Variants in CABIN1 observed in about 807,000 individuals in gnomAD.
CABIN1 encodes the protein calcineurin-binding protein cabin-1.
CABIN1 carries 133 observed loss-of-function variants against 227.7 expected under a neutral mutation model. The ratio of observed to expected loss-of-function variants is 0.58; its 90% CI spans 0.51 to 0.67. CABIN1 has a LOEUF of 0.67. CABIN1 is among the 30% of genes least tolerant of loss of function. The pLI is 0.00. For synonymous variants in CABIN1, 1,086 were observed against 1,155.1 expected, an observed-to-expected ratio of 0.94 and a Z score of 1.21; for missense variants, 2,408 against 2,852.5, an observed-to-expected ratio of 0.84 and a Z score of 3.55.
chr22:24,019,332 A>G (rs1207164433), intron 1 of CABIN1, among the ~76,000 whole-genome samples: 1 of 150,418 alleles, frequency 6.6e-6, no homozygotes, highest in Non-Finnish European at 1.5e-5. Flanking sequence ...GGGTTTCACC[A>G]TGTTGGTCAG....
intron 29 of CABIN1, among the ~76,000 whole-genome samples, chr22:24,135,972 C>T (rs1441484358): frequency 6.6e-6 from 1 of 152,018 alleles, no homozygotes; most frequent in African/African-American, 2.4e-5. Context: ...ATCTGCCCAC[C>T]CTCTCTGTTT....
chr22:24,061,552 G>C (rs2039192296), intron 12 of CABIN1, among the ~76,000 whole-genome samples: 1 of 152,220 alleles, frequency 6.6e-6, no homozygotes, highest in African/African-American at 2.4e-5. Context: ...GTGCCCAATG[G>C]GCAAGTGCCT....
intron 29 of CABIN1, among the ~76,000 whole-genome samples, chr22:24,141,836 A>G (rs1569274679): frequency 1.3e-5 from 2 of 152,178 alleles, no homozygotes; most frequent in African/African-American, 2.4e-5. Flanking sequence ...GATGGGAGGT[A>G]CAGTCATCAT....
chr22:24,085,037 C>T lies in CABIN1; in HGVS notation c.3149C>T (p.Ser1050Phe). ...TGCCTCCCAGAGGGGGCTGACCCCT[C>T]CCCTCCAGTGGTGAACGAGCTTTAC... ...VPCLPEGADP[S>F]PPVVNELYYL... is the part of the protein sequence containing the mutation. Residue 1050 changes from serine to phenylalanine, a missense_variant, in exon 22 of 37, where the codon TCC becomes TTC. By Grantham distance (155) the Ser-to-Phe change is radical (BLOSUM62 -2). Around this residue, in one of 3 missense-constraint regions of CABIN1, gnomAD observed 649 missense variants for 910.3 expected, o/e 0.71. Transcript: ENST00000263119. 1 of 1,614,236 alleles carries T rather than the reference C, an allele frequency of 6.2e-7. No homozygotes were observed.
At chr22:24,116,474 C>T (rs975574032) in intron 27 of CABIN1, among the ~76,000 whole-genome samples, 4 of 152,160 alleles carry the variant, frequency 2.6e-5, no homozygotes, top group South Asian at 2.1e-4. Flanking sequence ...AAATGGTTGT[C>T]GGTGGGGGGA....
chr22:24,117,416 T>G (rs1269701828), intron 27 of CABIN1, among the ~76,000 whole-genome samples: 1 of 152,132 alleles, frequency 6.6e-6, no homozygotes, highest in Non-Finnish European at 1.5e-5. Flanking sequence ...CCCAGGCTAG[T>G]CTCAAACTCT....
chr22:24,069,867 T>A (rs887432624), intron 16 of CABIN1, among the ~76,000 whole-genome samples: 1 of 152,032 alleles, frequency 6.6e-6, no homozygotes, highest in African/African-American at 2.4e-5. Context: ...CAGCTGCACA[T>A]GTCAAGGTTG....
intron 6 of CABIN1, among the ~76,000 whole-genome samples, chr22:24,046,957 G>T (rs565368481): frequency 6.6e-6 from 1 of 152,270 alleles, no homozygotes; most frequent in South Asian, 2.1e-4. Flanking sequence ...TCTTATGCGG[G>T]GGAAGGTCAG....
chr22:24,093,917 A>G (rs1769985883), intron 24 of CABIN1, among the ~76,000 whole-genome samples: 1 of 152,138 alleles, frequency 6.6e-6, no homozygotes, highest in South Asian at 2.1e-4. Context: ...TTGGGGCCAT[A>G]TTCACTGGGC....
chr22:24,128,631 C>T (rs961842297), intron 28 of CABIN1, among the ~76,000 whole-genome samples: 1 of 152,212 alleles, frequency 6.6e-6, no homozygotes, highest in Non-Finnish European at 1.5e-5. Context: ...CTGGGTGGCT[C>T]CAAAGGCTGC....
At chr22:24,139,205 T>G (rs1465709926) in intron 29 of CABIN1, among the ~76,000 whole-genome samples, 1 of 152,228 alleles carries the variant, frequency 6.6e-6, no homozygotes, top group Admixed American at 6.5e-5. Flanking sequence ...TCAGAGGTGC[T>G]TCTGTGATCA....
intron 33 of CABIN1, among the ~76,000 whole-genome samples, chr22:24,169,274 A>G (rs546917394): frequency 3.4e-4 from 52 of 152,194 alleles, no homozygotes; most frequent in Non-Finnish European, 5.0e-4. Context: ...GTGGCATGCC[A>G]TTTGAGTAGG....
In CABIN1 at chr22:24,178,395, A is replaced by C. The variant is rs1654305140; in HGVS notation, c.*199A>C. The C allele has an allele frequency of 1.6e-6, 1 of 640,648 alleles. No homozygotes were observed. The highest frequency in any genetic ancestry group is 2.9e-5 in the Admixed American group (1 of 34,196). 39.7% of individuals were successfully genotyped at this position (640,648 alleles called of 1,614,324 possible). On this transcript the variant is annotated 3_prime_UTR_variant, in exon 37 of 37. Coordinates refer to ENST00000263119, the MANE Select transcript of CABIN1 (RefSeq NM_012295.4). ...TCCACACCACATGGGAGCCCAGAGG[A>C]GGAGGGGCCCGCCTTAGCCATGTGA...
Position 24,134,423 on chromosome 22 carries a change from C to T in CABIN1, c.4746+8C>T. 1 of 1,604,960 alleles carries T rather than the reference C, an allele frequency of 6.2e-7. No homozygotes were observed. Among genetic ancestry groups the T allele is most frequent in the Non-Finnish European group, 8.5e-7 (1 of 1,171,778 alleles). On this transcript the variant is annotated splice_region_variant and intron_variant, in intron 29 of 36. Transcript: ENST00000263119. ...AAGACCAATTTCTTCAACGTGAGTA[C>T]TTTGCCTTGTTGATTTCCAAGGCTG...
At position 24,177,775 on chromosome 22, in the gene CABIN1, C is replaced by T; in HGVS notation, c.6477C>T (p.Ser2159=). The T allele has an allele frequency of 6.2e-7, 1 of 1,609,666 alleles. No individual in the cohort carries two copies. Among genetic ancestry groups the T allele is most frequent in the Non-Finnish European group, 8.5e-7 (1 of 1,176,968 alleles). Residue 2159 remains serine (S), a synonymous_variant, in exon 36 of 37, where the codon TCC becomes TCT. Transcript: ENST00000263119. The surrounding 1 kb of genome is among the most constrained non-coding windows in gnomAD (Gnocchi z 4.4). ...TVTPPTPTLL[S]PKGSISEETK... is the part of the protein sequence containing the mutation. ...CGCCACCCACCCCAACCCTGCTCTC[C>T]CCCAAAGGCAGCATCTCGGAGGAGA...
intron 1 of CABIN1, among the ~76,000 whole-genome samples, chr22:24,027,218 C>T (rs976486983): frequency 2.6e-5 from 4 of 151,978 alleles, no homozygotes; most frequent in Admixed American, 6.5e-5. Flanking sequence ...TATGTGTTGA[C>T]CTGTACCCTA....
intron 29 of CABIN1, among the ~76,000 whole-genome samples, chr22:24,150,827 C>T (rs1602362994): frequency 2.0e-5 from 3 of 152,130 alleles, no homozygotes; most frequent in South Asian, 2.1e-4. Flanking sequence ...GGAGCTGGTC[C>T]GAACCAGTGA....
chr22:24,015,387 C>G (rs1368538230), intron 1 of CABIN1, among the ~76,000 whole-genome samples: 3 of 150,678 alleles, frequency 2.0e-5, no homozygotes, highest in Non-Finnish European at 4.4e-5. Flanking sequence ...CTCTTTTGCC[C>G]AGGCCTGAGT....
chr22:24,084,972 C>T (rs757467957), intron 21 of CABIN1, 34 bp from the exon 22 acceptor site: 12 of 1,614,020 alleles, frequency 7.4e-6, no homozygotes, highest in South Asian at 3.3e-5. Context: ...TCCTTGACTC[C>T]ACCTCCCCTC....
Sources: allele counts gnomAD v4.1 joint callset (sites outside exome capture counted in the v4.1 genomes callset), GRCh38; gene constraint gnomAD v4.1.1; regional missense constraint gnomAD v4.1.1; non-coding constraint Gnocchi (gnomAD v3.1); transcripts MANE v1.5; gene names NCBI Gene and HGNC (gene_info 2026-07-23, HGNC 2026-07-21).